Variants in LRRC4C observed in about 807,000 individuals in gnomAD.
LRRC4C encodes the protein leucine-rich repeat-containing protein 4C.
LRRC4C carries 5 observed loss-of-function variants against 33.6 expected under a neutral mutation model. The observed-to-expected ratio is 0.15, with a 90% CI of 0.08 to 0.31. The LOEUF (loss-of-function observed/expected upper bound fraction) is 0.31. Among genes scored for constraint, LRRC4C ranks in the 10% least tolerant of loss-of-function variants. The pLI, the probability that LRRC4C is intolerant of heterozygous loss-of-function variation, is 1.00. For synonymous variants in LRRC4C, 329 were observed against 302.0 expected (o/e 1.09, Z -0.93); for missense variants, 560 against 796.7 (o/e 0.70, Z 3.58).
intron 4 of LRRC4C, among the ~76,000 whole-genome samples, chr11:40,271,644 C>T (rs1419831006): frequency 1.3e-5 from 2 of 152,148 alleles, no homozygotes; most frequent in Admixed American, 1.3e-4. Context: ...AGTATTTCTG[C>T]TCACTCCTGA....
intron 4 of LRRC4C, among the ~76,000 whole-genome samples, chr11:40,266,937 ACACCCACCCACCCACC>A (rs199993924): frequency 5.9e-4 from 83 of 141,428 alleles, no homozygotes; most frequent in Middle Eastern, 3.5e-3. Context: ...AACACACACC[ACACCCACCCACCCACC>A]CACCCACCCA....
chr11:40,611,915 T>A, intron 3 of LRRC4C, among the ~76,000 whole-genome samples: 1 of 151,854 alleles, frequency 6.6e-6, no homozygotes. Context: ...AAATTGGAAC[T>A]CTTTTACGTT....
At chr11:41,263,885 C>T (rs944498456) in intron 1 of LRRC4C, among the ~76,000 whole-genome samples, 2 of 151,900 alleles carry the variant, frequency 1.3e-5, no homozygotes, top group Non-Finnish European at 2.9e-5. Flanking sequence ...AACAAACTAG[C>T]CATTTTAGAC....
At chr11:40,750,454 C>A (rs1261834311) in intron 2 of LRRC4C, among the ~76,000 whole-genome samples, 1 of 151,814 alleles carries the variant, frequency 6.6e-6, no homozygotes, top group Non-Finnish European at 1.5e-5. Flanking sequence ...CACATATACA[C>A]CATGGAATCC....
intron 1 of LRRC4C, among the ~76,000 whole-genome samples, chr11:41,064,211 ATAGTT>A (rs1395515863): frequency 6.6e-6 from 1 of 152,208 alleles, no homozygotes; most frequent in Non-Finnish European, 1.5e-5. Context: ...ATATGGTGCC[ATAGTT>A]TAGTATTGAA....
Position 40,225,177 on chromosome 11 carries a change from C to T in LRRC4C, c.-96+16342G>A, listed in dbSNP as rs567030106. Among the ~76,000 whole-genome samples, 4 of 152,224 alleles carry T rather than the reference C, an allele frequency of 2.6e-5. No homozygotes were observed. In the South Asian group the frequency reaches 8.3e-4, roughly 32 times the overall value. On this transcript the variant is annotated intron_variant, in intron 5 of 6. Coordinates refer to ENST00000528697, the MANE Select transcript of LRRC4C (RefSeq NM_001258419.2). ...ATATTCCTAGAGAAACAGACATGAGCTATTTGAATAGCTAAAACTTTTGTC... is the reference window on the plus strand; with the variant it reads ...ATATTCCTAGAGAAACAGACATGAGTTATTTGAATAGCTAAAACTTTTGTC...
intron 2 of LRRC4C, among the ~76,000 whole-genome samples, chr11:40,665,350 A>ATATATATATATATT (rs1943735295): frequency 1.5e-4 from 3 of 19,770 alleles, no homozygotes; most frequent in Non-Finnish European, 2.1e-4. Flanking sequence ...ATATATATAT[A>ATATATATATATATT]TATATATATA....
At chr11:40,228,407 G>A (rs1206269227) in intron 5 of LRRC4C, among the ~76,000 whole-genome samples, 1 of 151,802 alleles carries the variant, frequency 6.6e-6, no homozygotes, top group Non-Finnish European at 1.5e-5. Flanking sequence ...AAGATGCACT[G>A]TCATGTGCAG....
chr11:40,952,510 A>G (rs149582424), intron 1 of LRRC4C, among the ~76,000 whole-genome samples: 1 of 151,970 alleles, frequency 6.6e-6, no homozygotes, highest in African/African-American at 2.4e-5. Flanking sequence ...TTTTTCTAGA[A>G]TTAAGATGTT....
intron 3 of LRRC4C, among the ~76,000 whole-genome samples, chr11:40,371,006 TA>T (rs1034105638): frequency 2.0e-5 from 3 of 152,012 alleles, no homozygotes; most frequent in Non-Finnish European, 2.9e-5. Context: ...TTGATTTTTT[TA>T]AAAAAAATCT....
intron 1 of LRRC4C, among the ~76,000 whole-genome samples, chr11:41,373,939 A>C (rs975153968): frequency 1.3e-5 from 2 of 152,236 alleles, no homozygotes; most frequent in Non-Finnish European, 2.9e-5. Context: ...TTTAAAAAAT[A>C]AAGTTGGCAT....
At chr11:40,643,842 C>T (rs975580254) in intron 3 of LRRC4C, among the ~76,000 whole-genome samples, 4 of 152,068 alleles carry the variant, frequency 2.6e-5, no homozygotes, top group Non-Finnish European at 5.9e-5. Flanking sequence ...AATTCTACTC[C>T]CACTTCCCCT....
intron 3 of LRRC4C, among the ~76,000 whole-genome samples, chr11:40,332,093 C>G (rs1946388445): frequency 6.6e-6 from 1 of 152,138 alleles, no homozygotes; most frequent in Admixed American, 6.6e-5. Flanking sequence ...AAACTGAATG[C>G]ACTTTAGCAG....
At chr11:40,693,135 C>G (rs931062368) in intron 2 of LRRC4C, among the ~76,000 whole-genome samples, 1 of 152,040 alleles carries the variant, frequency 6.6e-6, no homozygotes, top group African/African-American at 2.4e-5. Flanking sequence ...CCTCTGCACA[C>G]TTACATACAT....
intron 2 of LRRC4C, among the ~76,000 whole-genome samples, chr11:40,915,558 A>G (rs1956917599): frequency 6.6e-6 from 1 of 152,356 alleles, no homozygotes; most frequent in Non-Finnish European, 1.5e-5. Context: ...AGATGGATTA[A>G]AGACTTAAAT....
chr11:40,192,750 G>A (rs1182077050), intron 5 of LRRC4C, among the ~76,000 whole-genome samples: 1 of 152,160 alleles, frequency 6.6e-6, no homozygotes, highest in African/African-American at 2.4e-5. Context: ...GACCTAGGAA[G>A]CTTGAGCTTG....
chr11:40,431,732 C>T (rs1950945010), intron 3 of LRRC4C, among the ~76,000 whole-genome samples: 1 of 152,154 alleles, frequency 6.6e-6, no homozygotes, highest in African/African-American at 2.4e-5. Flanking sequence ...ATACCAGCAC[C>T]AGATCTATTA....
intron 3 of LRRC4C, among the ~76,000 whole-genome samples, chr11:40,627,581 G>A (rs1295200479): frequency 6.6e-6 from 1 of 152,132 alleles, no homozygotes; most frequent in African/African-American, 2.4e-5. Context: ...GCCTGGACAG[G>A]TAGCTGCACT....
intron 2 of LRRC4C, among the ~76,000 whole-genome samples, chr11:40,658,189 G>A (rs1165572462): frequency 6.6e-6 from 1 of 152,130 alleles, no homozygotes; most frequent in Non-Finnish European, 1.5e-5. Context: ...AAGGAATTTG[G>A]TGTCCCATAG....
Sources: allele counts gnomAD v4.1 joint callset (sites outside exome capture counted in the v4.1 genomes callset), GRCh38; gene constraint gnomAD v4.1.1; transcripts MANE v1.5; gene names NCBI Gene and HGNC (gene_info 2026-07-23, HGNC 2026-07-21).